Variants in CEND1 observed in about 807,000 individuals in gnomAD.
The protein encoded by CEND1 is cell cycle exit and neuronal differentiation 1.
CEND1 carries 1 observed loss-of-function variant against 4.4 expected under a neutral mutation model. The observed-to-expected ratio is 0.23, with a 90% CI of 0.08 to 1.09. The LOEUF is 1.09. CEND1 is among the 50% of genes least tolerant of loss of function. The pLI is 0.55. For missense variants in CEND1, 213 were observed against 201.2 expected, an observed-to-expected ratio of 1.06 and a Z score of -0.35; for synonymous variants, 109 against 93.0, an observed-to-expected ratio of 1.17 and a Z score of -0.99.
chr11:788,847 G>T (rs1565030944), intron 1 of CEND1, among the ~76,000 whole-genome samples, 189 bp from the exon 2 acceptor site: 2 of 152,310 alleles, frequency 1.3e-5, no homozygotes, highest in East Asian at 3.9e-4. Flanking sequence ...CACTCCTCAA[G>T]GGGCCCCTCC....
In CEND1 at chr11:790,022, C is replaced by A. The variant is rs1319665075; in HGVS notation, c.-83+8G>T. On this transcript the variant is annotated splice_region_variant and intron_variant, in intron 1 of 1. Transcript: ENST00000330106. The stretch of plus-strand genomic sequence containing the variant: ...CCCGCCCCGCCCGCCGGGAGCCCCC[C>A]GCCTTACGCGTCCTCCGGCCTCCCC... The A allele has an allele frequency of 6.5e-6, 1 of 152,850 alleles. No individual in the cohort carries two copies. The highest frequency in any genetic ancestry group is 2.4e-5 in the African/African-American group (1 of 41,396). The allele number at this position is 152,850 out of a possible 1,614,324, so 9.5% of individuals were successfully genotyped here. A position where few individuals can be genotyped will look rare whatever the true frequency, so the allele number is the denominator to read the frequency against.
At position 788,742 on chromosome 11, in the gene CEND1, C is replaced by T. The variant is rs531132017; in HGVS notation, c.-82-84G>A. Reference sequence around the variant, plus strand: ...CCACCTGGTCCCCAGGCAGCCCCTGCCCAGTTCTCTGGACTCTCTGGAGCC... The same window carrying T: ...CCACCTGGTCCCCAGGCAGCCCCTGTCCAGTTCTCTGGACTCTCTGGAGCC... On this transcript the variant is annotated intron_variant, in intron 1 of 1. Transcript: ENST00000330106. The T allele has an allele frequency of 7.3e-4, 401 of 552,018 alleles. 2 individuals carry two copies. Among genetic ancestry groups the T allele is most frequent in the African/African-American group, 2.5e-3 (132 of 52,694 alleles). 34.2% of individuals were successfully genotyped at this position (552,018 alleles called of 1,614,324 possible). A position where few individuals can be genotyped will look rare whatever the true frequency, so the allele number is the denominator to read the frequency against.
rs539452869 is a variant in CEND1, at chr11:788,640, C to T, written c.-64G>A. On this transcript the variant is annotated 5_prime_UTR_variant, in exon 2 of 2. Transcript: ENST00000330106. ...AGAGGGGCTCAGGACAGTTTGTCGC[C>T]CCTGGGCATTCTATGGGCCTGGAGG... The T allele has an allele frequency of 4.9e-6, 7 of 1,433,246 alleles. No homozygotes were observed. Among genetic ancestry groups the T allele is most frequent in the East Asian group, 2.3e-5 (1 of 42,818 alleles). The allele number at this position is 1,433,246 out of a possible 1,614,324, so 88.8% of individuals were successfully genotyped here. A position where few individuals can be genotyped will look rare whatever the true frequency, so the allele number is the denominator to read the frequency against.
rs1368062688 is a variant in CEND1 at position 787,432 on chromosome 11, G to C, written c.*695C>G. On this transcript the variant is annotated 3_prime_UTR_variant, in exon 2 of 2. Transcript: ENST00000330106. Reference sequence around the variant, plus strand: ...GTGCAAGCTGGAGGGGCAGTCTAGCGGGGCAGGGCGGGCACAGCTGTGAGG... The same window carrying C: ...GTGCAAGCTGGAGGGGCAGTCTAGCCGGGCAGGGCGGGCACAGCTGTGAGG... The C allele has an allele frequency of 6.6e-6, 1 of 152,630 alleles. No homozygotes were observed. Among genetic ancestry groups the C allele is most frequent in the East Asian group, 1.9e-4 (1 of 5,202 alleles). The allele number at this position is 152,630 out of a possible 1,614,324, so 9.5% of individuals were successfully genotyped here.
Position 788,652 on chromosome 11 carries a change from T to G in CEND1, c.-76A>C. On this transcript the variant is annotated 5_prime_UTR_variant, in exon 2 of 2. Transcript: ENST00000330106. ...GACAGTTTGTCGCCCCTGGGCATTC[T>G]ATGGGCCTGGAGGGAGACACAAGGG... 1 of 1,378,370 alleles carries G rather than the reference T, an allele frequency of 7.3e-7. No homozygotes were observed. The highest frequency in any genetic ancestry group is 9.6e-7 in the Non-Finnish European group (1 of 1,039,448). The allele number at this position is 1,378,370 out of a possible 1,614,324, so 85.4% of individuals were successfully genotyped here.
chr11:788,903 C>A (rs937567158), intron 1 of CEND1, among the ~76,000 whole-genome samples: 2 of 152,176 alleles, frequency 1.3e-5, no homozygotes, highest in Non-Finnish European at 2.9e-5. Flanking sequence ...AGGTAGGGGA[C>A]CCCACTGTGC....
rs568753870 is a variant in CEND1 at position 787,756 on chromosome 11, C to A, written c.*371G>T. The A allele has an allele frequency of 2.7e-4, 47 of 176,710 alleles. No individual in the cohort carries two copies. The highest frequency in any genetic ancestry group is 1.1e-3 in the African/African-American group (45 of 42,562). 10.9% of individuals were successfully genotyped at this position (176,710 alleles called of 1,614,324 possible). The stretch of plus-strand genomic sequence containing the variant: ...GTCCCCACGAGGGCCGGGCCCAGGC[C>A]CAACCCATCCCGGCACCCCCACCTG... On this transcript the variant is annotated 3_prime_UTR_variant, in exon 2 of 2. Transcript: ENST00000330106.
At chr11:789,763 GC>G (rs1864420867) in intron 1 of CEND1, among the ~76,000 whole-genome samples, 1 of 152,088 alleles carries the variant, frequency 6.6e-6, no homozygotes, top group Non-Finnish European at 1.5e-5. Flanking sequence ...GGGAAGCCCA[GC>G]CGTCCCTTCA....
Position 788,588 on chromosome 11 carries a change from C to T in CEND1, c.-12G>A, listed in dbSNP as rs547178276. On this transcript the variant is annotated 5_prime_UTR_variant, in exon 2 of 2. Transcript: ENST00000330106. ...CCTCTGGACTCCATGGTGGGCGGGG[C>T]GTATGGGACAGGCAGGTGGCTGCAC... The T allele has an allele frequency of 2.8e-5, 42 of 1,504,100 alleles. No homozygotes were observed. Among genetic ancestry groups the T allele is most frequent in the African/African-American group, 5.6e-5 (4 of 71,562 alleles). 93.2% of individuals were successfully genotyped at this position (1,504,100 alleles called of 1,614,324 possible). A position where few individuals can be genotyped will look rare whatever the true frequency, so the allele number is the denominator to read the frequency against.
At position 787,224 on chromosome 11, in the gene CEND1, C is replaced by T. The variant is rs1470848951; in HGVS notation, c.*903G>A. On this transcript the variant is annotated 3_prime_UTR_variant, in exon 2 of 2. Transcript: ENST00000330106. ...TTCTCACAGTGCCCACCACCACCTT[C>T]TGGGAGTTCGCCTGCTGCTGCGCGC... The T allele has an allele frequency of 6.6e-6, 1 of 152,654 alleles. No homozygotes were observed. The highest frequency in any genetic ancestry group is 2.4e-5 in the African/African-American group (1 of 41,462). 9.5% of individuals were successfully genotyped at this position (152,654 alleles called of 1,614,324 possible). A position where few individuals can be genotyped will look rare whatever the true frequency, so the allele number is the denominator to read the frequency against.
At position 788,604 on chromosome 11, in the gene CEND1, G is replaced by A; in HGVS notation, c.-28C>T. Reference sequence around the variant, plus strand: ...TGGGCGGGGCGTATGGGACAGGCAGGTGGCTGCACCAGAGGGGCTCAGGAC... The same window carrying A: ...TGGGCGGGGCGTATGGGACAGGCAGATGGCTGCACCAGAGGGGCTCAGGAC... On this transcript the variant is annotated 5_prime_UTR_variant, in exon 2 of 2. Coordinates refer to ENST00000330106, the MANE Select transcript of CEND1 (RefSeq NM_016564.4). 6 of 1,496,134 alleles carry A rather than the reference G, an allele frequency of 4.0e-6. No homozygotes were observed. The highest frequency in any genetic ancestry group is 5.3e-6 in the Non-Finnish European group (6 of 1,125,360). 92.7% of individuals were successfully genotyped at this position (1,496,134 alleles called of 1,614,324 possible).
In CEND1 at chr11:788,537, C is replaced by T. The variant is rs779236910; in HGVS notation, c.40G>A (p.Asp14Asn). The T allele has an allele frequency of 3.5e-5, 53 of 1,522,804 alleles. No individual in the cohort carries two copies. Among genetic ancestry groups the T allele is most frequent in the South Asian group, 1.1e-4 (9 of 78,292 alleles). The allele number at this position is 1,522,804 out of a possible 1,614,324, so 94.3% of individuals were successfully genotyped here. ...RGKSASSPKP[D>N]TKVPQVTTEA... ...GTGGTGACCTGGGGCACCTTGGTGT[C>T]GGGCTTGGGGCTGCTGGCTGACTTC... The change falls in exon 2 of 2, where the codon GAC becomes AAC. Residue 14 changes from aspartate (D) to asparagine (N), a missense_variant. Transcript: ENST00000330106.
chr11:788,142 C>G lies in CEND1; in HGVS notation c.435G>C (p.Leu145=), dbSNP rs1236388044. 6.4e-7 allele frequency: 1 copy of G among 1,570,072 alleles called. No individual in the cohort carries two copies. Among genetic ancestry groups the G allele is most frequent in the Non-Finnish European group, 8.6e-7 (1 of 1,165,108 alleles). The change falls in exon 2 of 2, where the codon CTG becomes CTC. Residue 145 remains leucine, a synonymous_variant. Transcript: ENST00000330106. The stretch of plus-strand genomic sequence containing the variant: ...CCCCCAGGTATTATTTTTTCCGGAC[C>G]AGGAAGGCCACACCGAGAATCAGGG... The part of the protein sequence containing the change: ...AIALILGVAF[L]VRKK
In CEND1 at chr11:787,822, C is replaced by G; in HGVS notation, c.*305G>C. ...TGGGGGCCCAGGATCACCCAGCCGC[C>G]AGGGGTGGGGGGGGCCACACACAGG... On this transcript the variant is annotated 3_prime_UTR_variant, in exon 2 of 2. Transcript: ENST00000330106. The G allele has an allele frequency of 6.2e-6, 1 of 160,676 alleles. No individual in the cohort carries two copies. The highest frequency in any genetic ancestry group is 1.0e-4 in the East Asian group (1 of 9,556). 10.0% of individuals were successfully genotyped at this position (160,676 alleles called of 1,614,324 possible). A position where few individuals can be genotyped will look rare whatever the true frequency, so the allele number is the denominator to read the frequency against.
In CEND1 at chr11:788,321, T is replaced by G. The variant is rs143168883; in HGVS notation, c.256A>C (p.Ser86Arg). 3.4e-5 allele frequency: 54 copies of G among 1,607,256 alleles called. No individual in the cohort carries two copies. The highest frequency in any genetic ancestry group is 4.4e-5 in the Non-Finnish European group (52 of 1,175,272). Reference sequence around the variant, plus strand: ...GGCTCCGGGGTTGCATCGGGACTGCTGGGGACCGTGGGGGCTGGCTTCAGG... The same window carrying G: ...GGCTCCGGGGTTGCATCGGGACTGCGGGGGACCGTGGGGGCTGGCTTCAGG... ...SNLKPAPTVP[S>R]SPDATPEPKG... The change falls in exon 2 of 2, where the codon AGC becomes CGC. Residue 86 changes from serine (S) to arginine (R), a missense_variant. Ser to Arg is a moderately radical substitution (Grantham distance 110, BLOSUM62 -1). Coordinates refer to ENST00000330106, the MANE Select transcript of CEND1 (RefSeq NM_016564.4).
chr11:787,915 C>A lies in CEND1; in HGVS notation c.*212G>T. ...ACATCCTGTGCTGTGGACCCCGGAG[C>A]CTGGGCTCTTTCTGCCCTGGAGGTT... On this transcript the variant is annotated 3_prime_UTR_variant, in exon 2 of 2. Coordinates refer to ENST00000330106, the MANE Select transcript of CEND1 (RefSeq NM_016564.4). 2.5e-6 allele frequency: 1 copy of A among 400,488 alleles called. No homozygotes were observed. Among genetic ancestry groups the A allele is most frequent in the Non-Finnish European group, 4.4e-6 (1 of 227,246 alleles). The allele number at this position is 400,488 out of a possible 1,614,324, so 24.8% of individuals were successfully genotyped here.
At position 787,845 on chromosome 11, in the gene CEND1, A is replaced by G. The variant is rs1044659128; in HGVS notation, c.*282T>C. 1 of 258,264 alleles carries G rather than the reference A, an allele frequency of 3.9e-6. No individual in the cohort carries two copies. 16.0% of individuals were successfully genotyped at this position (258,264 alleles called of 1,614,324 possible). ...GCCAGGGGTGGGGGGGGCCACACACAGGGTCCATTCCTTTCTTGCCGTTCC... is the reference window on the plus strand; with the variant it reads ...GCCAGGGGTGGGGGGGGCCACACACGGGGTCCATTCCTTTCTTGCCGTTCC... On this transcript the variant is annotated 3_prime_UTR_variant, in exon 2 of 2. Coordinates refer to ENST00000330106, the MANE Select transcript of CEND1 (RefSeq NM_016564.4).
In CEND1 at chr11:788,262, C is replaced by T. The variant is rs772618963; in HGVS notation, c.315G>A (p.Glu105=). Residue 105 remains glutamate, a synonymous_variant, in exon 2 of 2, where the codon GAG becomes GAA. Transcript: ENST00000330106. ...KGPGDGAEED[E]AASGGPGGRG... is the part of the protein sequence containing the mutation. ...GGCCCCCAGGCCCCCCACTGGCAGC[C>T]TCATCTTCCTCCGCCCCGTCCCCAG... The T allele has an allele frequency of 2.5e-6, 4 of 1,612,288 alleles. No individual in the cohort carries two copies. Among genetic ancestry groups the T allele is most frequent in the Non-Finnish European group, 3.4e-6 (4 of 1,179,322 alleles).
Position 788,610 on chromosome 11 carries a change from GCAC to G in CEND1, c.-37_-35del. Reference sequence around the variant, plus strand: ...GGGCGTATGGGACAGGCAGGTGGCTGCACCAGAGGGGCTCAGGACAGTTTGTCG... The same window carrying G: ...GGGCGTATGGGACAGGCAGGTGGCTGCAGAGGGGCTCAGGACAGTTTGTCG... On this transcript the variant is annotated 5_prime_UTR_variant, in exon 2 of 2. Coordinates refer to ENST00000330106, the MANE Select transcript of CEND1 (RefSeq NM_016564.4). 1 of 1,490,570 alleles carries G rather than the reference GCAC, an allele frequency of 6.7e-7. No individual in the cohort carries two copies. Among genetic ancestry groups the G allele is most frequent in the Non-Finnish European group, 8.9e-7 (1 of 1,122,170 alleles). 92.3% of individuals were successfully genotyped at this position (1,490,570 alleles called of 1,614,324 possible). A position where few individuals can be genotyped will look rare whatever the true frequency, so the allele number is the denominator to read the frequency against.
Sources: gnomAD v4.1 joint callset for allele counts (sites outside exome capture counted in the v4.1 genomes callset) on GRCh38, gnomAD v4.1.1 for gene constraint, MANE v1.5 for transcripts, NCBI Gene and HGNC (gene_info 2026-07-23, HGNC 2026-07-21) for gene names.